The following IMPG1 variants were observed in gnomAD, a reference collection of about 807,000 sequenced individuals.
The protein encoded by IMPG1 is interphotoreceptor matrix proteoglycan 1, also known as interphotoreceptor matrix proteoglycan of 150 kDa.
In IMPG1, 85 loss-of-function variants were observed where a neutral mutation model predicts 92.0. The observed-to-expected ratio is 0.92, with a 90% CI of 0.78 to 1.11. The LOEUF is 1.11. Ranked by LOEUF, IMPG1 falls within the 50% of genes least tolerant of loss-of-function variation. IMPG1 has a pLI of 0.00. For synonymous variants in IMPG1, 367 were observed against 334.1 expected, an observed-to-expected ratio of 1.10 and a Z score of -1.08; for missense variants, 1,022 against 956.0, an observed-to-expected ratio of 1.07 and a Z score of -0.91.
At chr6:75,982,746 C>A (rs1332358783) in intron 12 of IMPG1, among the ~76,000 whole-genome samples, 1 of 151,906 alleles carries the variant, frequency 6.6e-6, no homozygotes, top group Middle Eastern at 3.2e-3. Context: ...AACATTTTAA[C>A]TATGGTTTGA....
rs117453704 is a variant in IMPG1 at position 75,940,436 on chromosome 6, C to T, written c.2044+6878G>A. 3.0e-4 allele frequency among the ~76,000 whole-genome samples: 45 copies of T among 152,208 alleles called. No individual in the cohort carries two copies. The East Asian group carries it at 4.8e-3, about 16-fold the overall frequency. ...TTAAAATTAAAAACAAATTAATATACGCACCACCCTTTGTACCTATTTTAT... is the reference window on the plus strand; with the variant it reads ...TTAAAATTAAAAACAAATTAATATATGCACCACCCTTTGTACCTATTTTAT... On this transcript the variant is annotated intron_variant, in intron 14 of 16. Coordinates refer to ENST00000369950, the MANE Select transcript of IMPG1 (RefSeq NM_001563.4).
At chr6:76,002,888 C>G in intron 12 of IMPG1, 30 bp downstream of exon 12, 1 of 1,525,598 alleles carries the variant, frequency 6.6e-7, no homozygotes, top group East Asian at 2.3e-5. Flanking sequence ...ATGTTGTCAT[C>G]TAACATAGAC....
chr6:76,002,581 T>C (rs1477283686), intron 12 of IMPG1, among the ~76,000 whole-genome samples: 1 of 152,176 alleles, frequency 6.6e-6, no homozygotes, highest in Non-Finnish European at 1.5e-5. Flanking sequence ...CTTGTCCTCA[T>C]GGACTCTCAG....
intron 15 of IMPG1, among the ~76,000 whole-genome samples, chr6:75,924,394 A>G (rs544193722): frequency 8.1e-6 from 1 of 123,216 alleles, no homozygotes; most frequent in Admixed American, 1.2e-4. Flanking sequence ...TATTACATAT[A>G]TAAAAAATTA....
intron 12 of IMPG1, among the ~76,000 whole-genome samples, chr6:75,972,734 C>T (rs1411391434): frequency 6.6e-6 from 1 of 152,174 alleles, no homozygotes; most frequent in Non-Finnish European, 1.5e-5. Context: ...CATATCCATT[C>T]TTCAGTCATT....
At chr6:76,014,775 G>A (rs566898650) in intron 7 of IMPG1, among the ~76,000 whole-genome samples, 27 of 152,288 alleles carry the variant, frequency 1.8e-4, no homozygotes, top group Admixed American at 1.6e-3. Context: ...GGAGCACTGC[G>A]GGGGAGAGCC....
intron 12 of IMPG1, among the ~76,000 whole-genome samples, chr6:75,965,201 A>G (rs779381736): frequency 1.3e-5 from 2 of 152,176 alleles, no homozygotes; most frequent in African/African-American, 4.8e-5. Context: ...TTCTTTCTCT[A>G]TAATAAATGC....
chr6:76,071,861 C>T (rs1784407601), intron 1 of IMPG1, among the ~76,000 whole-genome samples: 1 of 151,958 alleles, frequency 6.6e-6, no homozygotes, highest in Non-Finnish European at 1.5e-5. Context: ...TGCAGATTTG[C>T]CATAAGAACA....
chr6:75,981,400 T>C (rs1225614513), intron 12 of IMPG1, among the ~76,000 whole-genome samples: 1 of 152,246 alleles, frequency 6.6e-6, no homozygotes, highest in East Asian at 1.9e-4. Context: ...CCATTTGACA[T>C]TTAAAATGCA....
At chr6:75,927,609 AG>A (rs1470935985) in intron 15 of IMPG1, among the ~76,000 whole-genome samples, 1 of 152,104 alleles carries the variant, frequency 6.6e-6, no homozygotes, top group Non-Finnish European at 1.5e-5. Flanking sequence ...TGAGGGTATC[AG>A]GGGTTAATAC....
intron 14 of IMPG1, chr6:75,934,957 G>T (rs1178682889): frequency 2.1e-6 from 1 of 471,552 alleles, no homozygotes; most frequent in Non-Finnish European, 4.4e-6. Flanking sequence ...TCCTTTGATT[G>T]GATCCTGTCC....
At chr6:76,009,769 T>C (rs1222705257) in intron 8 of IMPG1, among the ~76,000 whole-genome samples, 1 of 152,246 alleles carries the variant, frequency 6.6e-6, no homozygotes, top group Non-Finnish European at 1.5e-5. Flanking sequence ...ATCTAACATT[T>C]TGGTTTACTT....
At chr6:76,040,831 C>G (rs1031340565) in intron 2 of IMPG1, among the ~76,000 whole-genome samples, 3 of 152,160 alleles carry the variant, frequency 2.0e-5, no homozygotes, top group Non-Finnish European at 4.4e-5. Flanking sequence ...TTGGGCACAT[C>G]TAACAAAAAT....
intron 13 of IMPG1, among the ~76,000 whole-genome samples, chr6:75,949,166 T>C (rs1582060936): frequency 2.0e-5 from 3 of 152,158 alleles, no homozygotes; most frequent in African/African-American, 7.2e-5. Flanking sequence ...AACTCCATCT[T>C]GAATAGGAGC....
At chr6:76,051,716 T>G (rs1784045386) in intron 1 of IMPG1, among the ~76,000 whole-genome samples, 1 of 152,174 alleles carries the variant, frequency 6.6e-6, no homozygotes, top group East Asian at 1.9e-4. Context: ...ATCACTGTCT[T>G]TTTTACCTCC....
At chr6:76,021,311 TTTAA>T (rs1244519789) in intron 6 of IMPG1, among the ~76,000 whole-genome samples, 1 of 152,212 alleles carries the variant, frequency 6.6e-6, no homozygotes, top group African/African-American at 2.4e-5. Context: ...CTGAAATGTA[TTTAA>T]TTGATGTCTC....
chr6:76,067,716 C>T lies in IMPG1; in HGVS notation c.67+4706G>A, dbSNP rs182938211. Among the ~76,000 whole-genome samples the T allele has an allele frequency of 2.2e-3, 332 of 152,122 alleles. 2 individuals carry two copies. The highest frequency in any genetic ancestry group is 7.6e-3 in the African/African-American group (317 of 41,500). On this transcript the variant is annotated intron_variant, in intron 1 of 16. Transcript: ENST00000369950. ...AGCCAGTGTCACCCTGATACCAAAGCCAGGCAAGGACGCAACAAAAAAAGA... is the reference window on the plus strand; with the variant it reads ...AGCCAGTGTCACCCTGATACCAAAGTCAGGCAAGGACGCAACAAAAAAAGA...
At chr6:76,055,129 G>A (rs772078917) in intron 1 of IMPG1, among the ~76,000 whole-genome samples, 3 of 151,916 alleles carry the variant, frequency 2.0e-5, no homozygotes, top group Non-Finnish European at 4.4e-5. Flanking sequence ...TTCTTTTCAA[G>A]CAGAGGGAAA....
chr6:75,928,707 C>A (rs1379256057), intron 15 of IMPG1: 1 of 152,182 alleles, frequency 6.6e-6, no homozygotes, highest in African/African-American at 2.4e-5. Context: ...CCATTGTTAA[C>A]TGGAGTGATA....
Sources: allele counts gnomAD v4.1 joint callset (sites outside exome capture counted in the v4.1 genomes callset), GRCh38; gene constraint gnomAD v4.1.1; transcripts MANE v1.5; gene names NCBI Gene and HGNC (gene_info 2026-07-23, HGNC 2026-07-21).